HSPG2: variants seen among roughly 807,000 people sequenced by gnomAD.
The protein encoded by HSPG2 is basement membrane-specific heparan sulfate proteoglycan core protein.
In HSPG2, 278 loss-of-function variants were observed where a neutral mutation model predicts 526.6. The ratio of observed to expected loss-of-function variants is 0.53; its 90% CI spans 0.48 to 0.58. The LOEUF is 0.58. Among genes scored for constraint, HSPG2 ranks in the 20% least tolerant of loss-of-function variants. The pLI is 0.00. For missense variants in HSPG2, 5,354 were observed against 6,099.5 expected (o/e 0.88, Z 4.07); for synonymous variants, 2,465 against 2,555.4 (o/e 0.96, Z 1.07).
Position 21,874,839 on chromosome 1 carries a change from G to A in HSPG2, c.3414+52C>T, listed in dbSNP as rs754193651. The A allele has an allele frequency of 6.0e-5, 92 of 1,531,946 alleles. 1 individual carries two copies. The highest frequency in any genetic ancestry group is 1.2e-4 in the South Asian group (10 of 86,672). The allele number at this position is 1,531,946 out of a possible 1,614,324, so 94.9% of individuals were successfully genotyped here. A position where few individuals can be genotyped will look rare whatever the true frequency, so the allele number is the denominator to read the frequency against. ...TGTGGAGGGCTCATGGAGAAGGAGC[G>A]GGAAGCACCATGGAGGGGGCTGGCT... On this transcript the variant is annotated intron_variant, in intron 26 of 96. Coordinates refer to ENST00000374695, the MANE Select transcript of HSPG2 (RefSeq NM_005529.7).
rs917732843 is a variant in HSPG2 at position 21,860,137 on chromosome 1, C to T, written c.5014+40G>A. Reference sequence around the variant, plus strand: ...CCCCCAAATTCCCAGGGCTCCCTGCCTTGCCCATCGTCCCCATCCTGGGCC... The same window carrying T: ...CCCCCAAATTCCCAGGGCTCCCTGCTTTGCCCATCGTCCCCATCCTGGGCC... On this transcript the variant is annotated intron_variant, in intron 40 of 96. Coordinates refer to ENST00000374695, the MANE Select transcript of HSPG2 (RefSeq NM_005529.7). 6.2e-6 allele frequency: 10 copies of T among 1,612,062 alleles called. No homozygotes were observed. The African/African-American group carries it at 1.1e-4, about 17-fold the overall frequency.
In HSPG2 at chr1:21,827,901, G is replaced by C. The variant is rs1286602850; in HGVS notation, c.12551C>G (p.Ala4184Gly). ...GCCTTCAAGATGCCAGTCGGACTCT[G>C]CTATGCCATGTCCAGAGCCTATGGA... ...RCQQGSGHGI[A>G]ESDWHLEGSG... The change falls in exon 91 of 97, where the codon GCA (alanine) becomes GGA (glycine). Residue 4184 changes from alanine to glycine, a missense_variant. Transcript: ENST00000374695. 6.3e-7 allele frequency: 1 copy of C among 1,598,806 alleles called. No homozygotes were observed. Among genetic ancestry groups the C allele is most frequent in the Non-Finnish European group, 8.5e-7 (1 of 1,173,070 alleles).
At chr1:21,925,196 C>G (rs1276871004) in intron 1 of HSPG2, among the ~76,000 whole-genome samples, 3 of 152,194 alleles carry the variant, frequency 2.0e-5, no homozygotes, top group South Asian at 2.1e-4. Flanking sequence ...TAACACAGAT[C>G]AAACAATGAG....
chr1:21,827,656 G>A (rs2097982257), intron 91 of HSPG2, among the ~76,000 whole-genome samples: 1 of 152,204 alleles, frequency 6.6e-6, no homozygotes, highest in African/African-American at 2.4e-5. Flanking sequence ...TGAGGTCAGA[G>A]TGGTTTCAAA....
rs1474461768 is a variant in HSPG2 at position 21,833,852 on chromosome 1, G to A, written c.10794C>T (p.Ala3598=). 2 of 1,604,716 alleles carry A rather than the reference G, an allele frequency of 1.2e-6. No individual in the cohort carries two copies. Among genetic ancestry groups the A allele is most frequent in the Non-Finnish European group, 1.7e-6 (2 of 1,175,620 alleles). Residue 3598 remains alanine, a synonymous_variant, in exon 78 of 97, where the codon GCC becomes GCT. Transcript: ENST00000374695. The part of the protein sequence containing the change: ...AGSAAVFPCI[A]SGYPTPDISW... The stretch of plus-strand genomic sequence containing the variant: ...TGATGTCAGGAGTGGGGTAGCCTGA[G>A]GCTATGCAGGGGAAGACAGCTGCAG...
intron 1 of HSPG2, among the ~76,000 whole-genome samples, chr1:21,931,519 A>G (rs2152805388): frequency 6.6e-6 from 1 of 152,316 alleles, no homozygotes. Flanking sequence ...AGGTAGGCCC[A>G]GCAGATACTT....
At position 21,841,593 on chromosome 1, in the gene HSPG2, C is replaced by G. The variant is rs369024085; in HGVS notation, c.9274G>C (p.Val3092Leu). 1.9e-6 allele frequency: 3 copies of G among 1,614,184 alleles called. No individual in the cohort carries two copies. The highest frequency in any genetic ancestry group is 1.7e-5 in the Admixed American group (1 of 60,032). Reference sequence around the variant, plus strand: ...GCCACACCGTAGGCATTGGAGGCCACGCAGCGGTAGGTACCGTGGTTGCTG... The same window carrying G: ...GCCACACCGTAGGCATTGGAGGCCAGGCAGCGGTAGGTACCGTGGTTGCTG... ...RPSNHGTYRC[V>L]ASNAYGVAQS... The change falls in exon 70 of 97, where the codon GTG becomes CTG. Residue 3092 changes from valine to leucine, a missense_variant. Physicochemically the swap from Val to Leu is conservative, Grantham distance 32 (BLOSUM62 1). Coordinates refer to ENST00000374695, the MANE Select transcript of HSPG2 (RefSeq NM_005529.7).
In HSPG2 at chr1:21,850,087, T is replaced by C. The variant is rs2152716822; in HGVS notation, c.7400A>G (p.Gln2467Arg). ...GCCCCCGCGCTTGTGCCACGTGACC[T>C]GGGCATGGGCCTGACCAGCAACGAG... The part of the protein sequence containing the change: ...NCLVAGQAHA[Q>R]VTWHKRGGSL... The change falls in exon 57 of 97, where the codon CAG becomes CGG. Residue 2467 changes from glutamine to arginine, a missense_variant. Transcript: ENST00000374695. The C allele has an allele frequency of 1.2e-6, 2 of 1,613,466 alleles. No individual in the cohort carries two copies. Among genetic ancestry groups the C allele is most frequent in the African/African-American group, 1.3e-5 (1 of 75,074 alleles).
At position 21,864,891 on chromosome 1, in the gene HSPG2, C is replaced by T. The variant is rs1207997348; in HGVS notation, c.4578G>A (p.Glu1526=). 2.5e-6 allele frequency: 4 copies of T among 1,610,734 alleles called. No homozygotes were observed. Among genetic ancestry groups the T allele is most frequent in the Non-Finnish European group, 3.4e-6 (4 of 1,179,510 alleles). ...CTGGCGGGCAGCGGCACTCCTCCAC[C>T]TCGAGGGCGCGGGGTCTGTTTGAGG... is the stretch of plus-strand genomic sequence containing the variant. ...PGPSNRPRAL[E]VEECRCPPGY... The change falls in exon 36 of 97, where the codon GAG becomes GAA. Residue 1526 remains glutamate, a synonymous_variant. Coordinates refer to ENST00000374695, the MANE Select transcript of HSPG2 (RefSeq NM_005529.7). This position sits in a 1 kb window ranked among gnomAD's most constrained non-coding sequence, Gnocchi z 4.8.
rs1263962603 is a variant in HSPG2 at position 21,887,749 on chromosome 1, AGG to A, written c.704-77_704-76del. On this transcript the variant is annotated intron_variant, in intron 7 of 96. Coordinates refer to ENST00000374695, the MANE Select transcript of HSPG2 (RefSeq NM_005529.7). This position sits in a 1 kb window ranked among gnomAD's most constrained non-coding sequence, Gnocchi z 5.0. ...CTGCTCCTTGTCCCCAACCCTCCCC[AGG>A]CCCACCCTGTACTCCCCAACACCAC... 593 of 1,534,982 alleles carry A rather than the reference AGG, an allele frequency of 3.9e-4. No individual in the cohort carries two copies. Among genetic ancestry groups the A allele is most frequent in the Non-Finnish European group, 5.1e-4 (577 of 1,122,640 alleles).
At chr1:21,897,967 G>T (rs1392014112) in intron 1 of HSPG2, among the ~76,000 whole-genome samples, 3 of 152,196 alleles carry the variant, frequency 2.0e-5, no homozygotes, top group Non-Finnish European at 4.4e-5. Context: ...GGCTCACAAG[G>T]TTATTGTCTG....
rs2098019839 is a variant in HSPG2, at chr1:21,834,848, C to T, written c.10551G>A (p.Lys3517=). ...CAACTTTGCTCCATGTCACCTGAGG[C>T]TTGGGGTCACCCAGTGCCAGGCATT... ...EFECLALGDP[K]PQVTWSKVGG... Residue 3517 remains lysine (K), a synonymous_variant, in exon 77 of 97, where the codon AAG becomes AAA. Transcript: ENST00000374695. 1.2e-6 allele frequency: 2 copies of T among 1,614,104 alleles called. No individual in the cohort carries two copies. The highest frequency in any genetic ancestry group is 1.7e-5 in the Admixed American group (1 of 60,012).
intron 1 of HSPG2, chr1:21,908,512 C>G (rs1268150820): frequency 2.5e-5 from 24 of 964,000 alleles, no homozygotes; most frequent in Non-Finnish European, 3.7e-5. Flanking sequence ...CAGCAAAGCA[C>G]ACTTTGTGAG....
intron 74 of HSPG2, 134 bp downstream of exon 74, chr1:21,838,691 G>T: frequency 1.1e-6 from 1 of 931,674 alleles, no homozygotes; most frequent in Non-Finnish European, 1.7e-6. Context: ...CTCGGGCCCT[G>T]GAGAGTAGGG....
chr1:21,824,850 C>T lies in HSPG2; in HGVS notation c.12590-71G>A. ...CAAAATCCCCCGTCAGTTCCCCTGA[C>T]CCCCACCTCCACGCCAACATGCAGG... On this transcript the variant is annotated intron_variant, in intron 91 of 96. Transcript: ENST00000374695. The surrounding 1 kb of genome is among the most constrained non-coding windows in gnomAD (Gnocchi z 5.9). 1 of 1,373,746 alleles carries T rather than the reference C, an allele frequency of 7.3e-7. No individual in the cohort carries two copies. The highest frequency in any genetic ancestry group is 1.0e-6 in the Non-Finnish European group (1 of 983,738). The allele number at this position is 1,373,746 out of a possible 1,614,324, so 85.1% of individuals were successfully genotyped here. A position where few individuals can be genotyped will look rare whatever the true frequency, so the allele number is the denominator to read the frequency against.
At chr1:21,878,723 C>T in intron 18 of HSPG2, 60 bp from the exon 19 acceptor site, 1 of 1,484,992 alleles carries the variant, frequency 6.7e-7, no homozygotes. Flanking sequence ...TCTCCTCCCA[C>T]CCTGGGAAAT....
Position 21,864,797 on chromosome 1 carries a change from T to TCA in HSPG2, c.4626+45_4626+46insTG. The TCA allele has an allele frequency of 6.7e-7, 1 of 1,493,334 alleles. No individual in the cohort carries two copies. Among genetic ancestry groups the TCA allele is most frequent in the Non-Finnish European group, 9.2e-7 (1 of 1,084,782 alleles). The allele number at this position is 1,493,334 out of a possible 1,614,324, so 92.5% of individuals were successfully genotyped here. ...CGACGCCGGCTGATTTGCTTGCTGA[T>TCA]GCCTCTGTGCCTGTGCAGAGGTGGT... is the stretch of plus-strand genomic sequence containing the variant. On this transcript the variant is annotated intron_variant, in intron 36 of 96. Transcript: ENST00000374695. This position sits in a 1 kb window ranked among gnomAD's most constrained non-coding sequence, Gnocchi z 4.8.
intron 1 of HSPG2, among the ~76,000 whole-genome samples, chr1:21,897,758 G>A (rs534072319): frequency 6.6e-6 from 1 of 152,172 alleles, no homozygotes; most frequent in Non-Finnish European, 1.5e-5. Flanking sequence ...GGGCAGGCTG[G>A]GGGTGACTGG....
At chr1:21,920,564 T>C (rs1479577854) in intron 1 of HSPG2, among the ~76,000 whole-genome samples, 1 of 152,200 alleles carries the variant, frequency 6.6e-6, no homozygotes, top group African/African-American at 2.4e-5. Context: ...TCCAAGCTGC[T>C]CTTTTCCAGG....
Sources: allele counts gnomAD v4.1 joint callset (sites outside exome capture counted in the v4.1 genomes callset), GRCh38; gene constraint gnomAD v4.1.1; non-coding constraint Gnocchi (gnomAD v3.1); transcripts MANE v1.5; gene names NCBI Gene and HGNC (gene_info 2026-07-23, HGNC 2026-07-21).